Variants in ARL15 observed in about 807,000 individuals in gnomAD.
The protein encoded by ARL15 is ADP-ribosylation factor-like protein 15.
ARL15 carries 19 observed loss-of-function variants against 25.2 expected under a neutral mutation model. The observed-to-expected ratio is 0.75, with a 90% CI of 0.53 to 1.10. ARL15 has a LOEUF of 1.10. Ranked by LOEUF, ARL15 falls within the 50% of genes least tolerant of loss-of-function variation. The probability of loss-of-function intolerance (pLI) is 0.00; values close to 1 mark genes in which losing one functional copy is unlikely to be tolerated. For synonymous variants in ARL15, 94 were observed against 86.8 expected (o/e 1.08, Z -0.46); for missense variants, 220 against 246.0 (o/e 0.89, Z 0.71).
intron 4 of ARL15, among the ~76,000 whole-genome samples, chr5:53,982,043 G>A (rs560285884): frequency 6.6e-6 from 1 of 152,266 alleles, no homozygotes; most frequent in African/African-American, 2.4e-5. Context: ...AACCAAGAGA[G>A]AACACTAAGG....
At chr5:54,051,716 G>A (rs559282438) in intron 4 of ARL15, among the ~76,000 whole-genome samples, 1 of 152,326 alleles carries the variant, frequency 6.6e-6, no homozygotes, top group South Asian at 2.1e-4. Context: ...TTGATGGTGA[G>A]AAAATGGTAC....
chr5:53,966,484 A>C (rs1295426794), intron 4 of ARL15, among the ~76,000 whole-genome samples: 2 of 152,308 alleles, frequency 1.3e-5, no homozygotes, highest in East Asian at 3.9e-4. Flanking sequence ...GAGTTGTGGG[A>C]ACCCCAACTT....
At chr5:54,047,114 A>G (rs1178210537) in intron 4 of ARL15, among the ~76,000 whole-genome samples, 4 of 152,186 alleles carry the variant, frequency 2.6e-5, no homozygotes, top group Non-Finnish European at 5.9e-5. Context: ...TATGGCTCAC[A>G]AAGTCAGTGC....
At chr5:53,979,742 T>C (rs969597086) in intron 4 of ARL15, among the ~76,000 whole-genome samples, 1 of 152,124 alleles carries the variant, frequency 6.6e-6, no homozygotes, top group Non-Finnish European at 1.5e-5. Context: ...CTGGGGGAAT[T>C]TTCCCCAGCA....
At chr5:54,225,265 GA>G (rs1254367883) in intron 1 of ARL15, among the ~76,000 whole-genome samples, 2 of 152,128 alleles carry the variant, frequency 1.3e-5, no homozygotes, top group African/African-American at 4.8e-5. Flanking sequence ...GACCGCAGCA[GA>G]AAAAAAGATG....
At chr5:54,176,146 C>T (rs976368821) in intron 1 of ARL15, among the ~76,000 whole-genome samples, 1 of 152,200 alleles carries the variant, frequency 6.6e-6, no homozygotes, top group Non-Finnish European at 1.5e-5. Context: ...ACAAAAGCCT[C>T]CCCACAAAAC....
intron 4 of ARL15, among the ~76,000 whole-genome samples, chr5:54,061,249 T>C (rs1751052239): frequency 6.6e-6 from 1 of 152,184 alleles, no homozygotes; most frequent in African/African-American, 2.4e-5. Context: ...TGGCTTCAGA[T>C]GGTGCAGGCC....
intron 1 of ARL15, among the ~76,000 whole-genome samples, chr5:54,239,371 C>T (rs1425988437): frequency 6.6e-6 from 1 of 151,694 alleles, no homozygotes; most frequent in Non-Finnish European, 1.5e-5. Context: ...CTCTTTTCCA[C>T]CCCCCAATTG....
At chr5:54,266,182 C>A (rs193165740) in intron 1 of ARL15, among the ~76,000 whole-genome samples, 3 of 152,276 alleles carry the variant, frequency 2.0e-5, no homozygotes, top group Admixed American at 2.0e-4. Context: ...TCATAGCAGC[C>A]ATATTTGAAC....
At chr5:54,214,064 C>T (rs1003161471) in intron 1 of ARL15, among the ~76,000 whole-genome samples, 5 of 147,712 alleles carry the variant, frequency 3.4e-5, no homozygotes, top group Non-Finnish European at 6.0e-5. Context: ...ATGGCAAGAG[C>T]AAAAAAGAAA....
intron 3 of ARL15, among the ~76,000 whole-genome samples, chr5:54,130,289 C>T (rs62370407): frequency 0.24 from 36,643 of 152,058 alleles, 4,994 homozygotes; most frequent in African/African-American, 0.37. Context: ...TATATTTTTA[C>T]ATTCTTAATT....
At chr5:54,229,183 G>T (rs1368888420) in intron 1 of ARL15, among the ~76,000 whole-genome samples, 1 of 152,032 alleles carries the variant, frequency 6.6e-6, no homozygotes, top group East Asian at 1.9e-4. Context: ...TCCAACTATA[G>T]CCTTCCTAGA....
intron 1 of ARL15, among the ~76,000 whole-genome samples, chr5:54,175,378 G>A (rs576660344): frequency 3.3e-5 from 5 of 150,474 alleles, no homozygotes; most frequent in Middle Eastern, 3.4e-3. Context: ...CTTGTTGCCC[G>A]GGCTGGAGTG....
At chr5:53,985,595 C>T (rs1255917045) in intron 4 of ARL15, among the ~76,000 whole-genome samples, 3 of 152,118 alleles carry the variant, frequency 2.0e-5, no homozygotes, top group Non-Finnish European at 4.4e-5. Flanking sequence ...TTTCATTTAG[C>T]GTAATGTCCT....
intron 3 of ARL15, among the ~76,000 whole-genome samples, chr5:54,142,512 C>T (rs556398061): frequency 1.2e-4 from 18 of 152,222 alleles, no homozygotes; most frequent in Non-Finnish European, 2.2e-4. Context: ...AACTGAGCCA[C>T]GAGGGTTGAT....
chr5:53,887,461 T>C, intron 4 of ARL15: 1 of 687,596 alleles, frequency 1.5e-6, no homozygotes, highest in East Asian at 2.7e-5. Context: ...CACAAGTCAC[T>C]CTTACTATAT....
At chr5:54,162,586 T>G (rs1229904813) in intron 2 of ARL15, among the ~76,000 whole-genome samples, 2 of 152,204 alleles carry the variant, frequency 1.3e-5, no homozygotes, top group Admixed American at 1.3e-4. Context: ...ACCTCTGCAT[T>G]CCCACCTACC....
chr5:53,895,835 T>G (rs1744853765), intron 4 of ARL15, among the ~76,000 whole-genome samples: 1 of 152,220 alleles, frequency 6.6e-6, no homozygotes, highest in Non-Finnish European at 1.5e-5. Flanking sequence ...GCATTTCAAC[T>G]GTTTAACAAT....
intron 4 of ARL15, chr5:53,887,289 T>C (rs745855915): frequency 7.0e-5 from 47 of 670,040 alleles, no homozygotes; most frequent in Non-Finnish European, 1.1e-4. Flanking sequence ...AGAAACTGCA[T>C]GTATGTATGT....
Sources: gnomAD v4.1 joint callset for allele counts (sites outside exome capture counted in the v4.1 genomes callset) on GRCh38, gnomAD v4.1.1 for gene constraint, MANE v1.5 for transcripts, NCBI Gene and HGNC (gene_info 2026-07-23, HGNC 2026-07-21) for gene names.